Variants in C2orf76 observed in about 807,000 individuals in gnomAD.
C2orf76 encodes the protein chromosome 2 open reading frame 76, also known as UPF0538 protein C2orf76.
In C2orf76, 23 loss-of-function variants were observed where a neutral mutation model predicts 16.9. That is an observed-to-expected ratio of 1.36 (90% CI 0.98 to 1.93). C2orf76 has a LOEUF of 1.93. Among genes scored for constraint, C2orf76 ranks in the 30% most tolerant of loss-of-function variants. The pLI is 0.00. For missense variants in C2orf76, 152 were observed against 152.6 expected, an observed-to-expected ratio of 1.00 and a Z score of 0.02; for synonymous variants, 48 against 52.3, an observed-to-expected ratio of 0.92 and a Z score of 0.35.
At chr2:119,324,224 T>C (rs567707712) in intron 2 of C2orf76, among the ~76,000 whole-genome samples, 2 of 152,240 alleles carry the variant, frequency 1.3e-5, no homozygotes, top group Non-Finnish European at 2.9e-5. Flanking sequence ...ATCAGTCTTA[T>C]GTTCAATCCA....
intron 1 of C2orf76, among the ~76,000 whole-genome samples, chr2:119,363,677 T>C (rs1050710556): frequency 2.0e-5 from 3 of 152,152 alleles, no homozygotes; most frequent in Non-Finnish European, 2.9e-5. Context: ...CTAAGAAACT[T>C]AATATGAAAC....
At chr2:119,344,638 G>C (rs536276835) in intron 1 of C2orf76, among the ~76,000 whole-genome samples, 1 of 152,194 alleles carries the variant, frequency 6.6e-6, no homozygotes, top group East Asian at 1.9e-4. Flanking sequence ...AGCTTTGTCA[G>C]CAAAGTCATA....
At chr2:119,362,869 C>T (rs1208968955) in intron 1 of C2orf76, among the ~76,000 whole-genome samples, 1 of 152,160 alleles carries the variant, frequency 6.6e-6, no homozygotes, top group African/African-American at 2.4e-5. Context: ...GCATGCCACA[C>T]CTGTTTACTC....
chr2:119,354,968 C>T (rs1680523575), intron 1 of C2orf76, among the ~76,000 whole-genome samples: 1 of 152,218 alleles, frequency 6.6e-6, no homozygotes, highest in African/African-American at 2.4e-5. Flanking sequence ...TTACTGTTCA[C>T]ATCTAGAATA....
Position 119,317,451 on chromosome 2 carries a change from A to C in C2orf76, c.222+15T>G. On this transcript the variant is annotated intron_variant, in intron 4 of 5. Coordinates refer to ENST00000334816, the MANE Select transcript of C2orf76 (RefSeq NM_001322331.2). The stretch of plus-strand genomic sequence containing the variant: ...TTACTTGCTATGTGCCAGATACTGT[A>C]CCTGTGGAACATACCTTTGATTTAT... 6.3e-7 allele frequency: 1 copy of C among 1,587,142 alleles called. No individual in the cohort carries two copies. Among genetic ancestry groups the C allele is most frequent in the Non-Finnish European group, 8.6e-7 (1 of 1,162,630 alleles).
At chr2:119,283,481 TG>T in the C2orf76 span, among the ~76,000 whole-genome samples, 1 of 152,216 alleles carries the variant, frequency 6.6e-6, no homozygotes, top group Non-Finnish European at 1.5e-5. Context: ...TTTTTGTTTT[TG>T]TTTTTTTCTT....
chr2:119,283,095 C>A, the C2orf76 span, among the ~76,000 whole-genome samples: 3 of 152,186 alleles, frequency 2.0e-5, no homozygotes, highest in Non-Finnish European at 4.4e-5. Flanking sequence ...CAGCCCTAGT[C>A]TCTCTCCCTC....
intron 1 of C2orf76, among the ~76,000 whole-genome samples, chr2:119,358,597 A>G (rs541167876): frequency 1.4e-5 from 2 of 145,138 alleles, no homozygotes; most frequent in Non-Finnish European, 3.0e-5. Flanking sequence ...AAAAAAAAAA[A>G]GGCAAAACAG....
chr2:119,332,276 C>A (rs541414698), intron 2 of C2orf76, among the ~76,000 whole-genome samples: 63 of 109,442 alleles, frequency 5.8e-4, no homozygotes, highest in Non-Finnish European at 1.1e-3. Flanking sequence ...AGCATAAACA[C>A]CTAAAGGAAA....
chr2:119,285,965 C>T, the C2orf76 span, among the ~76,000 whole-genome samples: 47 of 152,252 alleles, frequency 3.1e-4, no homozygotes, highest in African/African-American at 1.0e-3. Flanking sequence ...CAGTGGCTCA[C>T]GCCTGTAATC....
chr2:119,354,358 T>A (rs945362038), intron 1 of C2orf76, among the ~76,000 whole-genome samples: 2 of 152,068 alleles, frequency 1.3e-5, no homozygotes, highest in Admixed American at 6.5e-5. Context: ...CCGTCTCTAC[T>A]AAAAATACAG....
At chr2:119,335,944 A>G (rs1679830981) in intron 2 of C2orf76, among the ~76,000 whole-genome samples, 1 of 152,226 alleles carries the variant, frequency 6.6e-6, no homozygotes, top group African/African-American at 2.4e-5. Context: ...GATCTAAAGT[A>G]TTAGTAAGAA....
downstream of C2orf76, among the ~76,000 whole-genome samples, chr2:119,299,052 A>T (rs568021147): frequency 6.6e-6 from 1 of 151,874 alleles, no homozygotes; most frequent in East Asian, 1.9e-4. Context: ...AGTAACTGGA[A>T]CTACAGGGGC....
chr2:119,356,553 A>G (rs1344413024), intron 1 of C2orf76, among the ~76,000 whole-genome samples: 1 of 151,944 alleles, frequency 6.6e-6, no homozygotes, highest in East Asian at 1.9e-4. Flanking sequence ...TAAATGAGAA[A>G]AAGTCTCAAG....
intron 1 of C2orf76, among the ~76,000 whole-genome samples, chr2:119,357,662 A>G (rs986099719): frequency 6.6e-6 from 1 of 152,028 alleles, no homozygotes; most frequent in Non-Finnish European, 1.5e-5. Flanking sequence ...CTTTCCCCCT[A>G]AGATCAGGAA....
At chr2:119,341,661 A>C (rs768720058) in intron 1 of C2orf76, among the ~76,000 whole-genome samples, 1 of 152,196 alleles carries the variant, frequency 6.6e-6, no homozygotes, top group Non-Finnish European at 1.5e-5. Context: ...ATCTAGTAGC[A>C]CCTACTTTGT....
At chr2:119,358,913 C>A (rs531204490) in intron 1 of C2orf76, among the ~76,000 whole-genome samples, 22 of 152,288 alleles carry the variant, frequency 1.4e-4, no homozygotes, top group African/African-American at 5.1e-4. Flanking sequence ...CTACACTAAA[C>A]AACAGATTTT....
intron 2 of C2orf76, among the ~76,000 whole-genome samples, chr2:119,327,251 G>C (rs927305989): frequency 6.6e-6 from 1 of 151,130 alleles, no homozygotes; most frequent in African/African-American, 2.4e-5. Flanking sequence ...AGAGTTTTTA[G>C]CAGGAATGGA....
chr2:119,352,568 G>A (rs1237704907), intron 1 of C2orf76, among the ~76,000 whole-genome samples: 1 of 152,168 alleles, frequency 6.6e-6, no homozygotes, highest in Non-Finnish European at 1.5e-5. Flanking sequence ...CCAAGCTGTA[G>A]CCAGTCAGAC....
Sources: gnomAD v4.1 joint callset for allele counts (sites outside exome capture counted in the v4.1 genomes callset) on GRCh38, gnomAD v4.1.1 for gene constraint, MANE v1.5 for transcripts, NCBI Gene and HGNC (gene_info 2026-07-23, HGNC 2026-07-21) for gene names.